The following FXYD6 variants were observed in gnomAD, a reference collection of about 807,000 sequenced individuals.
FXYD6 encodes the protein FXYD domain-containing ion transport regulator 6.
Under a neutral mutation model 16.7 loss-of-function variants are expected in FXYD6, and 7 were observed. The ratio of observed to expected loss-of-function variants is 0.42; its 90% confidence interval spans 0.24 to 0.79. The LOEUF is 0.79. FXYD6 is among the 30% of genes least tolerant of loss of function. The pLI is 0.28. For missense variants in FXYD6, 111 were observed against 116.2 expected (o/e 0.95, Z 0.21); for synonymous variants, 49 against 43.0 (o/e 1.14, Z -0.54).
intron 1 of FXYD6, among the ~76,000 whole-genome samples, chr11:117,858,510 C>A (rs548435934): frequency 2.6e-5 from 4 of 152,078 alleles, no homozygotes; most frequent in African/African-American, 9.7e-5. Context: ...GCCTCACACC[C>A]CCAACTTTGT....
intron 4 of FXYD6, 67 bp from the exon 5 acceptor site, chr11:117,841,251 G>A (rs1383940137): frequency 1.2e-6 from 2 of 1,610,002 alleles, no homozygotes; most frequent in African/African-American, 1.3e-5. Flanking sequence ...AAGGGTCTGT[G>A]CAGGTTGTGG....
chr11:117,868,231 G>C (rs910573645), intron 1 of FXYD6, among the ~76,000 whole-genome samples: 3 of 152,148 alleles, frequency 2.0e-5, no homozygotes, highest in Admixed American at 1.3e-4. Flanking sequence ...TGTTTGTCTC[G>C]AGGAGCGGAG....
chr11:117,839,025 G>C (rs2056271969), intron 7 of FXYD6: 1 of 153,154 alleles, frequency 6.5e-6, no homozygotes, highest in Non-Finnish European at 1.5e-5. Context: ...GATATTCCAG[G>C]GCATGTCATA....
intron 1 of FXYD6, among the ~76,000 whole-genome samples, chr11:117,860,768 A>G (rs2056887471): frequency 6.6e-6 from 1 of 152,240 alleles, no homozygotes; most frequent in South Asian, 2.1e-4. Context: ...TGATAACAAC[A>G]TGTAACATTC....
intron 1 of FXYD6, among the ~76,000 whole-genome samples, chr11:117,843,427 G>T (rs886820835): frequency 2.0e-5 from 3 of 152,282 alleles, no homozygotes; most frequent in African/African-American, 2.4e-5. Context: ...TTGCCTCTGG[G>T]ACGTGACTTT....
At chr11:117,856,728 A>C (rs1351263353) in intron 1 of FXYD6, among the ~76,000 whole-genome samples, 1 of 152,210 alleles carries the variant, frequency 6.6e-6, no homozygotes, top group Non-Finnish European at 1.5e-5. Context: ...ATTGAGTATA[A>C]CCAAGATGTG....
At chr11:117,841,580 T>C (rs1591552020) in intron 4 of FXYD6, 1 of 623,060 alleles carries the variant, frequency 1.6e-6, no homozygotes, top group African/African-American at 1.8e-5. Context: ...CTATGCTCAT[T>C]GTCATATGAC....
chr11:117,858,611 C>A (rs1423386488), intron 1 of FXYD6, among the ~76,000 whole-genome samples: 1 of 151,700 alleles, frequency 6.6e-6, no homozygotes, highest in Non-Finnish European at 1.5e-5. Flanking sequence ...AACGGAGAGT[C>A]GATTCTGCTT....
chr11:117,841,115 A>AC (rs771313564), intron 5 of FXYD6, 33 bp downstream of exon 5: 44 of 1,612,304 alleles, frequency 2.7e-5, no homozygotes, highest in South Asian at 1.4e-4. Flanking sequence ...ACCTAGTATC[A>AC]CCCCCCCAAG....
rs1298682612 is a variant in FXYD6 at position 117,870,247 on chromosome 11, C to T, written c.-6+6345G>A. On this transcript the variant is annotated intron_variant, in intron 1 of 7. Coordinates refer to ENST00000526014, the MANE Select transcript of FXYD6 (RefSeq NM_022003.4). This position sits in a 1 kb window ranked among gnomAD's most constrained non-coding sequence, Gnocchi z 4.2. ...CACAGGGGCTGAGGCCCCTCTGGTT[C>T]CCCAGGAGATCTCGGTCTGGCTCCA... Among the ~76,000 whole-genome samples the T allele has an allele frequency of 6.6e-6, 1 of 152,236 alleles. No homozygotes were observed. Among genetic ancestry groups the T allele is most frequent in the Non-Finnish European group, 1.5e-5 (1 of 68,038 alleles).
Position 117,841,826 on chromosome 11 carries a change from A to G in FXYD6, c.137T>C (p.Val46Ala). Residue 46 changes from valine to alanine, a missense_variant, in exon 4 of 8, where the codon GTG becomes GCG. By Grantham distance (64) the Val-to-Ala change is moderately conservative (BLOSUM62 0). Coordinates refer to ENST00000526014, the MANE Select transcript of FXYD6 (RefSeq NM_022003.4). ...GAGGATCCCAACCGAGAAGAGGACC[A>G]CAGCGAACACCAGTCCCCCAATCCT... ...TLRIGGLVFAVVLFSVGILLI... is the reference protein window; with the variant it reads ...TLRIGGLVFAAVLFSVGILLI... The G allele has an allele frequency of 6.2e-7, 1 of 1,613,970 alleles. No individual in the cohort carries two copies. The highest frequency in any genetic ancestry group is 8.5e-7 in the Non-Finnish European group (1 of 1,180,000).
chr11:117,867,573 G>C (rs545062274), intron 1 of FXYD6, among the ~76,000 whole-genome samples: 10 of 152,222 alleles, frequency 6.6e-5, no homozygotes, highest in African/African-American at 2.4e-4. Context: ...AAAGGCATTC[G>C]GTGGTGCCTC....
intron 1 of FXYD6, among the ~76,000 whole-genome samples, chr11:117,873,213 C>T (rs901499907): frequency 2.6e-5 from 4 of 152,178 alleles, no homozygotes; most frequent in African/African-American, 9.7e-5. Context: ...GAGCCCAGCC[C>T]CTTCCTGCTC....
chr11:117,838,101 G>C lies in FXYD6; in HGVS notation c.*198C>G. 1 of 692,712 alleles carries C rather than the reference G, an allele frequency of 1.4e-6. No individual in the cohort carries two copies. Among genetic ancestry groups the C allele is most frequent in the Non-Finnish European group, 2.6e-6 (1 of 379,008 alleles). 42.9% of individuals were successfully genotyped at this position (692,712 alleles called of 1,614,324 possible). On this transcript the variant is annotated 3_prime_UTR_variant, in exon 8 of 8. Transcript: ENST00000526014. ...GGTGGGCAGGACCGCAGGCTGCAGT[G>C]GGGAGGCAAGTGTTAGTTGCATCAT...
intron 1 of FXYD6, among the ~76,000 whole-genome samples, chr11:117,866,522 C>A (rs1396840666): frequency 2.0e-5 from 3 of 152,186 alleles, no homozygotes; most frequent in African/African-American, 7.2e-5. Flanking sequence ...GTTCTGCTGA[C>A]TATGACTGAG....
chr11:117,860,020 C>T (rs1026489767), intron 1 of FXYD6, among the ~76,000 whole-genome samples: 4 of 152,080 alleles, frequency 2.6e-5, no homozygotes, highest in South Asian at 2.1e-4. Flanking sequence ...CTGCCGAAGG[C>T]CTTTTGTTAT....
In FXYD6 at chr11:117,870,795, AG is replaced by A. The variant is rs2057118206; in HGVS notation, c.-6+5796del. 6.6e-6 allele frequency among the ~76,000 whole-genome samples: 1 copy of A among 152,086 alleles called. No homozygotes were observed. Among genetic ancestry groups the A allele is most frequent in the Non-Finnish European group, 1.5e-5 (1 of 68,020 alleles). On this transcript the variant is annotated intron_variant, in intron 1 of 7. Transcript: ENST00000526014. The surrounding 1 kb of genome is among the most constrained non-coding windows in gnomAD (Gnocchi z 4.2). ...ATGCATCCTCATACCCACAGAGCCA[AG>A]GCCTACACCCCTTCCCATGTAGGGC...
rs1032237460 is a variant in FXYD6, at chr11:117,837,856, G to C, written c.*443C>G. On this transcript the variant is annotated 3_prime_UTR_variant, in exon 8 of 8. Transcript: ENST00000526014. This position sits in a 1 kb window ranked among gnomAD's most constrained non-coding sequence, Gnocchi z 4.4. ...ACGCATCCCTAAATCAGGGGAGGGG[G>C]CTGGTCTCGGGCAACAAGCAGCCTC... is the stretch of plus-strand genomic sequence containing the variant. 2 of 281,456 alleles carry C rather than the reference G, an allele frequency of 7.1e-6. No individual in the cohort carries two copies. The highest frequency in any genetic ancestry group is 1.4e-4 in the East Asian group (2 of 14,014). 17.4% of individuals were successfully genotyped at this position (281,456 alleles called of 1,614,324 possible).
At chr11:117,865,744 G>A (rs1591589228) in intron 1 of FXYD6, among the ~76,000 whole-genome samples, 1 of 152,062 alleles carries the variant, frequency 6.6e-6, no homozygotes, top group African/African-American at 2.4e-5. Context: ...TGGCCAACAC[G>A]GCGAAACTCC....
Sources: allele counts gnomAD v4.1 joint callset (sites outside exome capture counted in the v4.1 genomes callset), GRCh38; gene constraint gnomAD v4.1.1; non-coding constraint Gnocchi (gnomAD v3.1); transcripts MANE v1.5; gene names NCBI Gene and HGNC (gene_info 2026-07-23, HGNC 2026-07-21).